The following DOCK1 variants were observed in gnomAD, a reference collection of about 807,000 sequenced individuals.
DOCK1 encodes dedicator of cytokinesis 1, also known as dedicator of cytokinesis protein 1.
A neutral mutation model predicts 262.7 loss-of-function variants in DOCK1; 138 were observed. That is an observed-to-expected ratio of 0.53 (90% CI 0.46 to 0.61). The LOEUF (loss-of-function observed/expected upper bound fraction) is 0.61. Ranked by LOEUF, DOCK1 falls within the 20% of genes least tolerant of loss-of-function variation. The pLI, the probability that DOCK1 is intolerant of heterozygous loss-of-function variation, is 0.00. For missense variants in DOCK1, 1,908 were observed against 2,370.7 expected, an observed-to-expected ratio of 0.80 and a Z score of 4.05; for synonymous variants, 866 against 867.4, an observed-to-expected ratio of 1.00 and a Z score of 0.03.
intron 27 of DOCK1, among the ~76,000 whole-genome samples, chr10:127,233,208 C>G (rs2058919418): frequency 6.6e-6 from 1 of 152,032 alleles, no homozygotes; most frequent in South Asian, 2.1e-4. Flanking sequence ...TGGTAGTCAC[C>G]AGTATGATCA....
chr10:127,077,712 TA>T, intron 23 of DOCK1, among the ~76,000 whole-genome samples: 1 of 152,244 alleles, frequency 6.6e-6, no homozygotes, highest in East Asian at 1.9e-4. Flanking sequence ...ACCCCCCAAA[TA>T]GATGACAGAT....
At chr10:127,255,317 C>T (rs764446979) in intron 28 of DOCK1, among the ~76,000 whole-genome samples, 1 of 152,134 alleles carries the variant, frequency 6.6e-6, no homozygotes, top group African/African-American at 2.4e-5. Flanking sequence ...GGGAGGATCA[C>T]TTGGGTCCCA....
intron 27 of DOCK1, among the ~76,000 whole-genome samples, chr10:127,215,169 C>T (rs1181522311): frequency 2.0e-5 from 3 of 152,322 alleles, no homozygotes; most frequent in East Asian, 3.9e-4. Context: ...CCACGTTCCA[C>T]ACCCAATGGA....
At chr10:127,144,382 T>C (rs2051584857) in intron 27 of DOCK1, among the ~76,000 whole-genome samples, 1 of 152,176 alleles carries the variant, frequency 6.6e-6, no homozygotes, top group African/African-American at 2.4e-5. Flanking sequence ...AGAGCCTGTC[T>C]CCTGTGGGAT....
intron 10 of DOCK1, among the ~76,000 whole-genome samples, chr10:127,007,738 G>T (rs2041143205): frequency 6.6e-6 from 1 of 152,186 alleles, no homozygotes; most frequent in African/African-American, 2.4e-5. Flanking sequence ...GTGTGTTTGT[G>T]AAGGCAGTTT....
At chr10:127,040,563 C>T (rs529743300) in intron 19 of DOCK1, among the ~76,000 whole-genome samples, 45 of 152,196 alleles carry the variant, frequency 3.0e-4, no homozygotes, top group Non-Finnish European at 4.7e-4. Context: ...CACTCCTTTG[C>T]GAGCAGGAGT....
intron 29 of DOCK1, among the ~76,000 whole-genome samples, chr10:127,315,152 GC>G (rs1330446170): frequency 6.6e-6 from 1 of 152,182 alleles, no homozygotes; most frequent in Non-Finnish European, 1.5e-5. Flanking sequence ...GCGGAGAGCT[GC>G]CCCCTCCTCC....
chr10:127,349,701 G>C (rs2063795303), intron 31 of DOCK1, among the ~76,000 whole-genome samples: 1 of 152,192 alleles, frequency 6.6e-6, no homozygotes, highest in African/African-American at 2.4e-5. Flanking sequence ...TGTGGGCAGT[G>C]TTGGTTCCTT....
intron 29 of DOCK1, among the ~76,000 whole-genome samples, chr10:127,334,418 C>T (rs1305358182): frequency 6.6e-6 from 1 of 152,144 alleles, no homozygotes; most frequent in Non-Finnish European, 1.5e-5. Context: ...ATTGCATTGG[C>T]TTGGGAGTGA....
Position 127,289,365 on chromosome 10 carries a change from A to G in DOCK1, c.3044+31936A>G, listed in dbSNP as rs183696576. On this transcript the variant is annotated intron_variant, in intron 29 of 51. Coordinates refer to ENST00000623213, the MANE Select transcript of DOCK1 (RefSeq NM_001290223.2). ...ATTTTCTTGCACCTGTCCTCTAATA[A>G]TGGGCGTGTGATGGTTTTTCATCTT... is the stretch of plus-strand genomic sequence containing the variant. Among the ~76,000 whole-genome samples the G allele has an allele frequency of 2.6e-5, 4 of 152,230 alleles. No homozygotes were observed. In the East Asian group the frequency reaches 7.7e-4, roughly 29 times the overall value.
chr10:127,444,022 T>G (rs1591084834), intron 49 of DOCK1, 104 bp from the exon 50 acceptor site: 1 of 1,437,212 alleles, frequency 7.0e-7, no homozygotes, highest in Non-Finnish European at 9.4e-7. Context: ...TAAGGTCATA[T>G]TCTAAGGTAA....
chr10:127,068,149 C>T (rs1591883220), intron 23 of DOCK1, among the ~76,000 whole-genome samples: 1 of 152,024 alleles, frequency 6.6e-6, no homozygotes, highest in East Asian at 1.9e-4. Flanking sequence ...TTTTTGATTC[C>T]CTTAAAAATA....
At chr10:127,334,160 TCA>T (rs1409767838) in intron 29 of DOCK1, among the ~76,000 whole-genome samples, 1 of 152,116 alleles carries the variant, frequency 6.6e-6, no homozygotes, top group Non-Finnish European at 1.5e-5. Context: ...GTCTGTTCCC[TCA>T]CATACTTCTC....
intron 1 of DOCK1, among the ~76,000 whole-genome samples, chr10:126,923,677 C>T (rs959789814): frequency 1.3e-5 from 2 of 152,182 alleles, no homozygotes; most frequent in Non-Finnish European, 2.9e-5. Flanking sequence ...CAATCTGCCA[C>T]GGAGAAAGGA....
intron 1 of DOCK1, among the ~76,000 whole-genome samples, chr10:126,909,264 T>C (rs7069454): frequency 0.99 from 150,129 of 152,224 alleles, 74,073 homozygotes; most frequent in East Asian, 1. Context: ...GATCGGCAGT[T>C]ACAAAGAATT....
chr10:127,251,541 C>G (rs2059644301), intron 28 of DOCK1, among the ~76,000 whole-genome samples: 1 of 114,486 alleles, frequency 8.7e-6, no homozygotes, highest in African/African-American at 3.3e-5. Context: ...CTCCCCCCAC[C>G]CCACAAGAGA....
At chr10:127,130,432 C>T (rs998022363) in intron 27 of DOCK1, among the ~76,000 whole-genome samples, 5 of 152,050 alleles carry the variant, frequency 3.3e-5, no homozygotes, top group Admixed American at 6.5e-5. Context: ...GACTTGTAGC[C>T]CACTGGTCAA....
intron 21 of DOCK1, among the ~76,000 whole-genome samples, chr10:127,052,424 G>A (rs1564764836): frequency 1.3e-5 from 2 of 151,870 alleles, no homozygotes; most frequent in South Asian, 2.1e-4. Context: ...CTTGGGAGGC[G>A]GAGGCAGGAG....
At chr10:127,053,774 AATG>A (rs1360557516) in intron 22 of DOCK1, among the ~76,000 whole-genome samples, 3 of 152,250 alleles carry the variant, frequency 2.0e-5, no homozygotes, top group African/African-American at 7.2e-5. Flanking sequence ...GCTGCGCTAA[AATG>A]AGGACTTTCT....
Sources: gnomAD v4.1 joint callset for allele counts (sites outside exome capture counted in the v4.1 genomes callset) on GRCh38, gnomAD v4.1.1 for gene constraint, MANE v1.5 for transcripts, NCBI Gene and HGNC (gene_info 2026-07-23, HGNC 2026-07-21) for gene names.